Variants in CPED1 observed in about 807,000 individuals in gnomAD.
CPED1 encodes the protein cadherin-like and PC-esterase domain-containing protein 1.
CPED1 carries 114 observed loss-of-function variants against 128.2 expected under a neutral mutation model. The observed-to-expected ratio is 0.89, with a 90% confidence interval of 0.76 to 1.04. The LOEUF (loss-of-function observed/expected upper bound fraction) is 1.04, where lower values mean the gene tolerates loss of function less well. Among genes scored for constraint, CPED1 ranks in the 50% least tolerant of loss-of-function variants. The pLI is 0.00. For missense variants in CPED1, 1,211 were observed against 1,207.1 expected, an observed-to-expected ratio of 1.00 and a Z score of -0.05; for synonymous variants, 462 against 426.7, an observed-to-expected ratio of 1.08 and a Z score of -1.02.
At chr7:121,226,614 A>G (rs894526557) in intron 16 of CPED1, among the ~76,000 whole-genome samples, 1 of 152,088 alleles carries the variant, frequency 6.6e-6, no homozygotes, top group South Asian at 2.1e-4. Flanking sequence ...AAGTCTTAGC[A>G]GTATAATTGC....
intron 3 of CPED1, among the ~76,000 whole-genome samples, chr7:121,028,462 C>A (rs111387912): frequency 1.7e-3 from 258 of 152,264 alleles, no homozygotes; most frequent in African/African-American, 6.0e-3. Flanking sequence ...ACGCTGAACC[C>A]ATTAATTATG....
chr7:121,009,970 A>T (rs559416787), intron 2 of CPED1, among the ~76,000 whole-genome samples: 2 of 152,218 alleles, frequency 1.3e-5, no homozygotes, highest in South Asian at 2.1e-4. Flanking sequence ...CATACTTTAC[A>T]TTTATGTATT....
In CPED1 at chr7:121,133,913, C is replaced by T; in HGVS notation, c.1648+20C>T. 1.5e-6 allele frequency: 2 copies of T among 1,361,384 alleles called. No homozygotes were observed. The highest frequency in any genetic ancestry group is 2.1e-6 in the Non-Finnish European group (2 of 974,914). The allele number at this position is 1,361,384 out of a possible 1,614,324, so 84.3% of individuals were successfully genotyped here. A position where few individuals can be genotyped will look rare whatever the true frequency, so the allele number is the denominator to read the frequency against. On this transcript the variant is annotated intron_variant, in intron 13 of 22. Coordinates refer to ENST00000310396, the MANE Select transcript of CPED1 (RefSeq NM_024913.5). ...AAAAAGGTAAAAATATAGATATTCC[C>T]ACTTATTTCAACATAAAAATAAGTA...
At chr7:121,229,767 A>G (rs1041943969) in intron 16 of CPED1, among the ~76,000 whole-genome samples, 3 of 152,032 alleles carry the variant, frequency 2.0e-5, no homozygotes, top group Admixed American at 6.6e-5. Context: ...TTTCAATGCA[A>G]TTTAATTTTT....
intron 11 of CPED1, 43 bp from the exon 12 acceptor site, chr7:121,130,082 T>A: frequency 1.4e-6 from 2 of 1,456,492 alleles, no homozygotes; most frequent in Non-Finnish European, 1.9e-6. Flanking sequence ...TACTACATTA[T>A]AATTTGTTTT....
chr7:121,189,757 G>GTT (rs1447635080), intron 16 of CPED1, among the ~76,000 whole-genome samples: 9 of 36,846 alleles, frequency 2.4e-4, no homozygotes, highest in East Asian at 4.9e-4. Flanking sequence ...TTCTTATGAG[G>GTT]TTTTATATAT....
At chr7:121,284,653 G>A (rs999640061) in intron 22 of CPED1, among the ~76,000 whole-genome samples, 6 of 152,262 alleles carry the variant, frequency 3.9e-5, no homozygotes, top group East Asian at 3.9e-4. Context: ...AAAATCCAGC[G>A]GGGCAATCAT....
chr7:121,231,801 A>C (rs1798146953), intron 16 of CPED1, among the ~76,000 whole-genome samples: 1 of 152,190 alleles, frequency 6.6e-6, no homozygotes, highest in African/African-American at 2.4e-5. Flanking sequence ...AGGTAGAAGA[A>C]AAGTATATTT....
At chr7:121,007,230 C>CTTTTTTTTTTTTTTTTTTTT (rs147867549) in intron 2 of CPED1, among the ~76,000 whole-genome samples, 1 of 115,848 alleles carries the variant, frequency 8.6e-6, no homozygotes. Context: ...GTTCAGGTTG[C>CTTTTTTTTTTTTTTTTTTTT]ATTTTTTTTT....
chr7:121,078,950 C>T (rs1290822602), intron 5 of CPED1, among the ~76,000 whole-genome samples: 1 of 152,162 alleles, frequency 6.6e-6, no homozygotes, highest in Non-Finnish European at 1.5e-5. Flanking sequence ...TGGGGCCTCT[C>T]TTTGACTTGC....
intron 9 of CPED1, 112 bp from the exon 10 acceptor site, chr7:121,126,978 T>C (rs1584531356): frequency 1.4e-6 from 1 of 736,200 alleles, no homozygotes; most frequent in Non-Finnish European, 2.1e-6. Flanking sequence ...GACCACTAGA[T>C]GTCAGTTCTG....
At chr7:121,124,760 G>A (rs1795465407) in intron 8 of CPED1, among the ~76,000 whole-genome samples, 1 of 152,138 alleles carries the variant, frequency 6.6e-6, no homozygotes, top group Non-Finnish European at 1.5e-5. Context: ...AAGTGCAACT[G>A]TTTCTATCAT....
At chr7:121,199,190 G>T (rs1055254173) in intron 16 of CPED1, among the ~76,000 whole-genome samples, 1 of 152,046 alleles carries the variant, frequency 6.6e-6, no homozygotes, top group African/African-American at 2.4e-5. Flanking sequence ...ACCAAGTGTG[G>T]TTCTCTATGA....
At chr7:121,118,019 C>T (rs1795293905) in intron 7 of CPED1, among the ~76,000 whole-genome samples, 1 of 151,868 alleles carries the variant, frequency 6.6e-6, no homozygotes, top group African/African-American at 2.4e-5. Flanking sequence ...ATTCAGGTTG[C>T]TTTCAGTTCT....
intron 18 of CPED1, among the ~76,000 whole-genome samples, chr7:121,244,593 C>T (rs548548889): frequency 6.6e-6 from 1 of 152,168 alleles, no homozygotes; most frequent in Admixed American, 6.5e-5. Context: ...CCTATGCTGA[C>T]CCGATTCCAT....
At chr7:121,212,794 CAA>C (rs2116599163) in intron 16 of CPED1, among the ~76,000 whole-genome samples, 1 of 152,122 alleles carries the variant, frequency 6.6e-6, no homozygotes, top group Non-Finnish European at 1.5e-5. Flanking sequence ...CATATTAAGG[CAA>C]ATACTTTCCT....
intron 16 of CPED1, among the ~76,000 whole-genome samples, chr7:121,166,283 C>T (rs1203567185): frequency 2.0e-5 from 3 of 152,050 alleles, no homozygotes; most frequent in African/African-American, 7.2e-5. Context: ...CTTAAGTTCT[C>T]GGAAAATTGC....
chr7:121,242,430 G>C (rs1172794693), intron 17 of CPED1, among the ~76,000 whole-genome samples: 2 of 152,116 alleles, frequency 1.3e-5, no homozygotes, highest in African/African-American at 4.8e-5. Context: ...GGGAGGTACT[G>C]AAAAATGTCA....
In CPED1 at chr7:121,251,267, C is replaced by A. The variant is rs564632682; in HGVS notation, c.2310+6929C>A. Among the ~76,000 whole-genome samples, 155 of 152,170 alleles carry A rather than the reference C, an allele frequency of 1.0e-3. 1 individual carries two copies. The highest frequency in any genetic ancestry group is 3.5e-3 in the African/African-American group (147 of 41,514). ...AAGGCCTTTGACAAAATTCAACAAC[C>A]CTTCATGCTAAAAACTCTCAATAAA... On this transcript the variant is annotated intron_variant, in intron 18 of 22. Transcript: ENST00000310396.
Sources: allele counts gnomAD v4.1 joint callset (sites outside exome capture counted in the v4.1 genomes callset), GRCh38; gene constraint gnomAD v4.1.1; transcripts MANE v1.5; gene names NCBI Gene and HGNC (gene_info 2026-07-23, HGNC 2026-07-21).